Variants in AUTS2 observed in about 807,000 individuals in gnomAD.
The protein encoded by AUTS2 is autism susceptibility gene 2 protein.
AUTS2 carries 17 observed loss-of-function variants against 112.4 expected under a neutral mutation model. The ratio of observed to expected loss-of-function variants is 0.15; its 90% confidence interval spans 0.10 to 0.23. AUTS2 has a LOEUF of 0.23. Ranked by LOEUF, AUTS2 falls within the 10% of genes least tolerant of loss-of-function variation. The pLI is 1.00. For synonymous variants in AUTS2, 751 were observed against 702.7 expected (o/e 1.07, Z -1.09); for missense variants, 1,510 against 1,701.6 (o/e 0.89, Z 1.98).
At chr7:70,081,439 T>A (rs1306305685) in intron 2 of AUTS2, among the ~76,000 whole-genome samples, 1 of 147,536 alleles carries the variant, frequency 6.8e-6, no homozygotes, top group East Asian at 2.0e-4. Flanking sequence ...TGGGTGCCTG[T>A]AATCCCAGCT....
intron 2 of AUTS2, among the ~76,000 whole-genome samples, chr7:70,113,046 CT>C (rs1011104456): frequency 6.6e-6 from 1 of 152,054 alleles, no homozygotes; most frequent in African/African-American, 2.4e-5. Context: ...ATTTAAAACA[CT>C]TTCTCTAGCT....
intron 5 of AUTS2, among the ~76,000 whole-genome samples, chr7:70,450,394 C>A (rs1022486426): frequency 6.6e-6 from 1 of 152,162 alleles, no homozygotes; most frequent in Non-Finnish European, 1.5e-5. Context: ...CTTGCTGCAG[C>A]ACATGGAATA....
intron 4 of AUTS2, among the ~76,000 whole-genome samples, chr7:70,430,207 G>T (rs140502123): frequency 6.6e-6 from 1 of 152,272 alleles, no homozygotes; most frequent in Non-Finnish European, 1.5e-5. Flanking sequence ...CTTCACTTAC[G>T]CAGTTGAGTG....
At chr7:69,985,836 G>A (rs1798490581) in intron 2 of AUTS2, among the ~76,000 whole-genome samples, 1 of 151,674 alleles carries the variant, frequency 6.6e-6, no homozygotes, top group South Asian at 2.1e-4. Context: ...ATTCACTGCA[G>A]CCTCGAGCTC....
At position 70,538,219 on chromosome 7, in the gene AUTS2, A is replaced by G. The variant is rs977196500; in HGVS notation, c.690+102438A>G. On this transcript the variant is annotated intron_variant, in intron 5 of 18. Coordinates refer to ENST00000342771, the MANE Select transcript of AUTS2 (RefSeq NM_015570.4). ...ACCACTGTACTTCAGCCTGGGTGAC[A>G]GAGTGAGACCCTGTGTAAGAGAGAG... Among the ~76,000 whole-genome samples the G allele has an allele frequency of 5.3e-5, 8 of 152,240 alleles. No homozygotes were observed. The East Asian group carries it at 1.4e-3, about 26-fold the overall frequency.
At chr7:69,814,712 C>G (rs181779197) in intron 1 of AUTS2, among the ~76,000 whole-genome samples, 6 of 152,348 alleles carry the variant, frequency 3.9e-5, no homozygotes, top group African/African-American at 1.2e-4. Context: ...GAAAAATCTG[C>G]AGGAACTTTG....
At chr7:70,169,252 T>TA (rs1808544196) in intron 4 of AUTS2, among the ~76,000 whole-genome samples, 3 of 151,416 alleles carry the variant, frequency 2.0e-5, no homozygotes, top group Non-Finnish European at 3.0e-5. Flanking sequence ...ATATATATAT[T>TA]TTTTTTGAGA....
At chr7:70,584,643 G>A (rs1401506427) in intron 5 of AUTS2, among the ~76,000 whole-genome samples, 2 of 152,254 alleles carry the variant, frequency 1.3e-5, no homozygotes, top group Non-Finnish European at 2.9e-5. Context: ...AGCCCTGGGG[G>A]CAGTACAGAG....
intron 4 of AUTS2, among the ~76,000 whole-genome samples, chr7:70,259,197 C>CAG (rs1787036390): frequency 6.6e-6 from 1 of 152,160 alleles, no homozygotes; most frequent in Non-Finnish European, 1.5e-5. Context: ...GCAGCTGTCA[C>CAG]AGAGCCTTCC....
rs868801737 is a variant in AUTS2, at chr7:69,804,062, C to A, written c.310-95224C>A. Among the ~76,000 whole-genome samples, 20 of 152,226 alleles carry A rather than the reference C, an allele frequency of 1.3e-4. No homozygotes were observed. The South Asian group carries it at 4.2e-3, about 32-fold the overall frequency. On this transcript the variant is annotated intron_variant, in intron 1 of 18. Transcript: ENST00000342771. ...AAAATTTTTTTTCATTTTCCATTGACACCATACTAAACAACGTGTATTTCC... is the reference window on the plus strand; with the variant it reads ...AAAATTTTTTTTCATTTTCCATTGAAACCATACTAAACAACGTGTATTTCC...
chr7:69,661,288 A>C (rs1395538401), intron 1 of AUTS2, among the ~76,000 whole-genome samples: 1 of 152,240 alleles, frequency 6.6e-6, no homozygotes, highest in Non-Finnish European at 1.5e-5. Context: ...AAGAAAAGTT[A>C]ATTGGATCAA....
chr7:70,682,190 C>T (rs1808245665), intron 5 of AUTS2, among the ~76,000 whole-genome samples: 1 of 152,212 alleles, frequency 6.6e-6, no homozygotes, highest in Admixed American at 6.5e-5. Context: ...TGTCAGATGG[C>T]AGCTGTGCAT....
At chr7:70,256,629 C>T (rs148192342) in intron 4 of AUTS2, among the ~76,000 whole-genome samples, 9 of 152,194 alleles carry the variant, frequency 5.9e-5, no homozygotes, top group African/African-American at 1.9e-4. Context: ...AACACATCAC[C>T]GTGGCTGACC....
chr7:70,464,803 G>T (rs1396399900), intron 5 of AUTS2, among the ~76,000 whole-genome samples: 1 of 152,126 alleles, frequency 6.6e-6, no homozygotes, highest in African/African-American at 2.4e-5. Flanking sequence ...ACACTTTCAG[G>T]GTCTTGGATA....
chr7:70,052,186 G>A (rs138915350), intron 2 of AUTS2, among the ~76,000 whole-genome samples: 5 of 152,254 alleles, frequency 3.3e-5, no homozygotes, highest in Non-Finnish European at 5.9e-5. Context: ...AAGCTCCTAG[G>A]CAATGACTAA....
At chr7:69,620,961 G>A (rs1793626584) in intron 1 of AUTS2, among the ~76,000 whole-genome samples, 1 of 152,188 alleles carries the variant, frequency 6.6e-6, no homozygotes, top group Non-Finnish European at 1.5e-5. Context: ...CAGAACTCAT[G>A]CAGAGAGATA....
intron 2 of AUTS2, among the ~76,000 whole-genome samples, chr7:69,988,950 G>C (rs551750609): frequency 4.6e-5 from 7 of 152,274 alleles, no homozygotes; most frequent in African/African-American, 1.2e-4. Context: ...TTGAAGAAAA[G>C]TACAGATGGA....
At chr7:70,454,430 T>C (rs1796653446) in intron 5 of AUTS2, among the ~76,000 whole-genome samples, 2 of 151,934 alleles carry the variant, frequency 1.3e-5, no homozygotes, top group Admixed American at 1.3e-4. Context: ...CCAGCTACTC[T>C]GGAGGCTCAG....
At chr7:70,132,525 G>A (rs76082383) in intron 3 of AUTS2, among the ~76,000 whole-genome samples, 203 of 152,226 alleles carry the variant, frequency 1.3e-3, no homozygotes, top group Non-Finnish European at 2.5e-3. Context: ...ACAATGCTTC[G>A]CCAGGCATGA....
Sources: gnomAD v4.1 joint callset for allele counts (sites outside exome capture counted in the v4.1 genomes callset) on GRCh38, gnomAD v4.1.1 for gene constraint, MANE v1.5 for transcripts, NCBI Gene and HGNC (gene_info 2026-07-23, HGNC 2026-07-21) for gene names.